The following TIE1 variants were observed in gnomAD, a reference collection of about 807,000 sequenced individuals.
The protein encoded by TIE1 is tyrosine kinase with immunoglobulin like and EGF like domains 1, also known as tyrosine-protein kinase receptor Tie-1.
Under a neutral mutation model 130.5 loss-of-function variants are expected in TIE1, and 89 were observed. The ratio of observed to expected loss-of-function variants is 0.68; its 90% CI spans 0.57 to 0.81. TIE1 has a LOEUF of 0.81. TIE1 is among the 40% of genes least tolerant of loss of function. The probability of loss-of-function intolerance (pLI) is 0.00; values close to 1 mark genes in which losing one functional copy is unlikely to be tolerated. For missense variants in TIE1, 1,392 were observed against 1,559.8 expected (o/e 0.89, Z 1.81); for synonymous variants, 568 against 629.4 (o/e 0.90, Z 1.46).
chr1:43,301,076 T>C lies in TIE1; in HGVS notation c.5T>C (p.Val2Ala). The part of the protein sequence containing the change: M[V>A]WRVPPFLLPI... ...GCCTGGGTCGGCCTCTGGAGTATGGTCTGGCGGGTGCCCCCTTTCTTGCTC... is the reference window on the plus strand; with the variant it reads ...GCCTGGGTCGGCCTCTGGAGTATGGCCTGGCGGGTGCCCCCTTTCTTGCTC... Residue 2 changes from valine to alanine, a missense_variant, in exon 1 of 23, where the codon GTC becomes GCC. Physicochemically the swap from Val to Ala is moderately conservative, Grantham distance 64 (BLOSUM62 0). Around this residue, in one of 6 missense-constraint regions of TIE1, gnomAD observed 415 missense variants for 424.8 expected, o/e 0.98. Transcript: ENST00000372476. The C allele has an allele frequency of 6.2e-7, 1 of 1,613,888 alleles. No individual in the cohort carries two copies. Among genetic ancestry groups the C allele is most frequent in the East Asian group, 2.2e-5 (1 of 44,850 alleles).
chr1:43,312,550 AC>A lies in TIE1; in HGVS notation c.1879del (p.Leu627SerfsTer36). On this transcript the variant is annotated frameshift_variant, in exon 12 of 23. Coordinates refer to ENST00000372476, the MANE Select transcript of TIE1 (RefSeq NM_005424.5). LOFTEE classifies it high-confidence loss of function. This position sits in a 1 kb window ranked among gnomAD's most constrained non-coding sequence, Gnocchi z 5.6. ...GCTGGATGTGCAGCTCTACCACTGC[AC>A]CCTCCTGGGCCCGGCCTCGCCCCCT... ...YQLDVQLYHC[T>X]LLGPASPPAH... is the part of the protein sequence containing the mutation. 1 of 1,613,020 alleles carries A rather than the reference AC, an allele frequency of 6.2e-7. No homozygotes were observed. The highest frequency in any genetic ancestry group is 8.5e-7 in the Non-Finnish European group (1 of 1,179,742).
rs750968223 is a variant in TIE1, at chr1:43,322,627, C to G, written c.3346-24C>G. 6.2e-6 allele frequency: 10 copies of G among 1,611,394 alleles called. No individual in the cohort carries two copies. In the East Asian group the frequency reaches 2.0e-4, roughly 32 times the overall value. On this transcript the variant is annotated intron_variant, in intron 22 of 22. Coordinates refer to ENST00000372476, the MANE Select transcript of TIE1 (RefSeq NM_005424.5). This position sits in a 1 kb window ranked among gnomAD's most constrained non-coding sequence, Gnocchi z 4.0. ...CAGATGCACCCCCATTCCTGGCCCC[C>G]ACTAAAGCTTGCTCTGCCCCCAGGC...
chr1:43,313,703 C>A lies in TIE1; in HGVS notation c.2219-75C>A. On this transcript the variant is annotated intron_variant, in intron 13 of 22. Coordinates refer to ENST00000372476, the MANE Select transcript of TIE1 (RefSeq NM_005424.5). The surrounding 1 kb of genome is among the most constrained non-coding windows in gnomAD (Gnocchi z 6.2). Reference sequence around the variant, plus strand: ...GCACTGGGATCTTTCACCTCTCCCTCTGTGTAACCCCATGGTGGCCTCTGG... The same window carrying A: ...GCACTGGGATCTTTCACCTCTCCCTATGTGTAACCCCATGGTGGCCTCTGG... The A allele has an allele frequency of 1.4e-6, 2 of 1,450,154 alleles. No individual in the cohort carries two copies. The highest frequency in any genetic ancestry group is 1.9e-6 in the Non-Finnish European group (2 of 1,080,530). 89.8% of individuals were successfully genotyped at this position (1,450,154 alleles called of 1,614,324 possible).
Position 43,309,567 on chromosome 1 carries a change from G to T in TIE1, c.1333+35G>T, listed in dbSNP as rs1226304859. 9 of 1,544,910 alleles carry T rather than the reference G, an allele frequency of 5.8e-6. No individual in the cohort carries two copies. The highest frequency in any genetic ancestry group is 7.8e-6 in the Non-Finnish European group (9 of 1,149,574). ...GTCCTAGGTCCACAGGGAATGGACG[G>T]TGAGCAGAGTAGGCTCTAGATGATG... On this transcript the variant is annotated intron_variant, in intron 9 of 22. Transcript: ENST00000372476. The surrounding 1 kb of genome is among the most constrained non-coding windows in gnomAD (Gnocchi z 6.3).
intron 1 of TIE1, among the ~76,000 whole-genome samples, chr1:43,303,348 G>A (rs751846761): frequency 2.0e-5 from 3 of 152,118 alleles, no homozygotes; most frequent in Non-Finnish European, 4.4e-5. Context: ...GCTCAAAGAA[G>A]CCAGTAGAAT....
At position 43,312,845 on chromosome 1, in the gene TIE1, T is replaced by C. The variant is rs1214650573; in HGVS notation, c.1927+244T>C. ...GAGAGCATGGGGAGGTCAGGGTTCA[T>C]GGCGAGAACCAGGGTCATGGGAGGG... On this transcript the variant is annotated intron_variant, in intron 12 of 22. Coordinates refer to ENST00000372476, the MANE Select transcript of TIE1 (RefSeq NM_005424.5). This position sits in a 1 kb window ranked among gnomAD's most constrained non-coding sequence, Gnocchi z 5.6. Among the ~76,000 whole-genome samples, 4 of 151,966 alleles carry C rather than the reference T, an allele frequency of 2.6e-5. No individual in the cohort carries two copies. Among genetic ancestry groups the C allele is most frequent in the African/African-American group, 7.3e-5 (3 of 41,328 alleles).
Position 43,313,208 on chromosome 1 carries a change from G to A in TIE1, c.2001G>A (p.Pro667=), listed in dbSNP as rs767657133. 6.8e-6 allele frequency: 11 copies of A among 1,613,772 alleles called. No homozygotes were observed. Among genetic ancestry groups the A allele is most frequent in the East Asian group, 4.5e-5 (2 of 44,882 alleles). The change falls in exon 13 of 23, where the codon CCG becomes CCA. Residue 667 remains proline (P), a synonymous_variant. Transcript: ENST00000372476. This position sits in a 1 kb window ranked among gnomAD's most constrained non-coding sequence, Gnocchi z 6.2. ...DSEIQLTWKH[P]EALPGPISKY... ...AGATCCAGCTGACATGGAAGCACCC[G>A]GAGGCTCTGCCTGGGCCAATATCCA...
Position 43,312,116 on chromosome 1 carries a change from AC to A in TIE1, c.1617del (p.Thr540GlnfsTer25). 1.3e-6 allele frequency: 2 copies of A among 1,566,352 alleles called. No individual in the cohort carries two copies. Among genetic ancestry groups the A allele is most frequent in the Non-Finnish European group, 1.7e-6 (2 of 1,156,052 alleles). On this transcript the variant is annotated frameshift_variant, in exon 11 of 23. Transcript: ENST00000372476. LOFTEE classifies it high-confidence loss of function. The surrounding 1 kb of genome is among the most constrained non-coding windows in gnomAD (Gnocchi z 5.6). ...GGCCTGGGGGCCTCCCACCCTCATG[AC>A]CACAGACTGTCCTGGTGAGAGGCCA... ...EGAWGPPTLM[T>X]TDCPEPLLQP...
rs1436140064 is a variant in TIE1, at chr1:43,313,908, G to A, written c.2349G>A (p.Leu783=). ...CCATCCTGGCTGCCCTTTTAACCCT[G>A]GTGTGCATCCGCAGAAGCTGCCTGC... ...CLTILAALLT[L]VCIRRSCLHR... is the part of the protein sequence containing the mutation. Residue 783 remains leucine, a synonymous_variant, in exon 14 of 23, where the codon CTG becomes CTA. Transcript: ENST00000372476. The surrounding 1 kb of genome is among the most constrained non-coding windows in gnomAD (Gnocchi z 6.2). 2 of 1,613,994 alleles carry A rather than the reference G, an allele frequency of 1.2e-6. No homozygotes were observed. Among genetic ancestry groups the A allele is most frequent in the African/African-American group, 2.7e-5 (2 of 74,888 alleles).
Position 43,317,516 on chromosome 1 carries a change from T to C in TIE1, c.2621-48T>C. 1 of 1,609,904 alleles carries C rather than the reference T, an allele frequency of 6.2e-7. No homozygotes were observed. Among genetic ancestry groups the C allele is most frequent in the Non-Finnish European group, 8.5e-7 (1 of 1,176,362 alleles). The stretch of plus-strand genomic sequence containing the variant: ...AATTGACCCCAGCCCTTGCCAGCCC[T>C]TTCTCCAGAGTTATTTCTGGCAAAA... On this transcript the variant is annotated intron_variant, in intron 15 of 22. Coordinates refer to ENST00000372476, the MANE Select transcript of TIE1 (RefSeq NM_005424.5). This position sits in a 1 kb window ranked among gnomAD's most constrained non-coding sequence, Gnocchi z 5.1.
At position 43,306,753 on chromosome 1, in the gene TIE1, T is replaced by C. The variant is rs1646731980; in HGVS notation, c.485-87T>C. ...GTCTCATCACTGTGCATGGGGCTCATTGATGTGAGCTGAGCAGAGGTGGAC... is the reference window on the plus strand; with the variant it reads ...GTCTCATCACTGTGCATGGGGCTCACTGATGTGAGCTGAGCAGAGGTGGAC... On this transcript the variant is annotated intron_variant, in intron 3 of 22. Coordinates refer to ENST00000372476, the MANE Select transcript of TIE1 (RefSeq NM_005424.5). The surrounding 1 kb of genome is among the most constrained non-coding windows in gnomAD (Gnocchi z 4.9). 2.7e-6 allele frequency: 4 copies of C among 1,458,200 alleles called. No homozygotes were observed. The highest frequency in any genetic ancestry group is 2.7e-5 in the South Asian group (2 of 74,518). The allele number at this position is 1,458,200 out of a possible 1,614,324, so 90.3% of individuals were successfully genotyped here.
rs1646762636 is a variant in TIE1 at position 43,309,114 on chromosome 1, G to C, written c.1171G>C (p.Asp391His). The C allele has an allele frequency of 6.2e-7, 1 of 1,603,030 alleles. No individual in the cohort carries two copies. The highest frequency in any genetic ancestry group is 1.3e-5 in the African/African-American group (1 of 74,842). ...GGGCAGCATAGAGCTACGCAAGCCA[G>C]ACGGCACTGTGCTCCTGGTCAGCCC... ...VRGSIELRKPDGTVLLSTKAI... is the reference protein window; with the variant it reads ...VRGSIELRKPHGTVLLSTKAI... The change falls in exon 8 of 23, where the codon GAC (aspartate) becomes CAC (histidine). Residue 391 changes from aspartate (D) to histidine (H), a missense_variant. Asp to His is a moderately conservative substitution (Grantham distance 81, BLOSUM62 -1). Coordinates refer to ENST00000372476, the MANE Select transcript of TIE1 (RefSeq NM_005424.5). This position sits in a 1 kb window ranked among gnomAD's most constrained non-coding sequence, Gnocchi z 6.3.
rs980916000 is a variant in TIE1 at position 43,318,393 on chromosome 1, G to A, written c.2922+321G>A. On this transcript the variant is annotated intron_variant, in intron 17 of 22. Transcript: ENST00000372476. The surrounding 1 kb of genome is among the most constrained non-coding windows in gnomAD (Gnocchi z 4.4). Reference sequence around the variant, plus strand: ...TGCCTAATGGCAATGGGCCTGGTGCGATCTGCCGGAGAGGGGGAAGGGCAG... The same window carrying A: ...TGCCTAATGGCAATGGGCCTGGTGCAATCTGCCGGAGAGGGGGAAGGGCAG... Among the ~76,000 whole-genome samples the A allele has an allele frequency of 2.0e-5, 3 of 152,100 alleles. No homozygotes were observed. The highest frequency in any genetic ancestry group is 4.4e-5 in the Non-Finnish European group (3 of 68,022).
rs12022684 is a variant in TIE1 at position 43,304,847 on chromosome 1, C to G, written c.59-4C>G. The G allele has an allele frequency of 0.014, 20,411 of 1,417,072 alleles. 846 individuals carry two copies. In the East Asian group the frequency reaches 0.18, roughly 13 times the overall value. 87.8% of individuals were successfully genotyped at this position (1,417,072 alleles called of 1,614,324 possible). A position where few individuals can be genotyped will look rare whatever the true frequency, so the allele number is the denominator to read the frequency against. ...CAATAGAGTCACTGGTGTCCTGGCC[C>G]CAGGCGCGGCGGTGGACCTGACGCT... On this transcript the variant is annotated splice_polypyrimidine_tract_variant and splice_region_variant and intron_variant, in intron 1 of 22. Transcript: ENST00000372476.
In TIE1 at chr1:43,306,102, G is replaced by A. The variant is rs1646725750; in HGVS notation, c.485-738G>A. Among the ~76,000 whole-genome samples the A allele has an allele frequency of 6.6e-6, 1 of 152,204 alleles. No individual in the cohort carries two copies. The highest frequency in any genetic ancestry group is 1.5e-5 in the Non-Finnish European group (1 of 68,034). On this transcript the variant is annotated intron_variant, in intron 3 of 22. Transcript: ENST00000372476. The surrounding 1 kb of genome is among the most constrained non-coding windows in gnomAD (Gnocchi z 4.9). ...AGCAAAGAGGCAAGAAGCGGGTGGG[G>A]CAGCGACTGGAGCACTCTTCTAAGA...
rs1349553909 is a variant in TIE1 at position 43,322,579 on chromosome 1, A to G, written c.3346-72A>G. The G allele has an allele frequency of 1.8e-5, 21 of 1,189,424 alleles. No individual in the cohort carries two copies. In the Admixed American group the frequency reaches 3.4e-4, roughly 19 times the overall value. 73.7% of individuals were successfully genotyped at this position (1,189,424 alleles called of 1,614,324 possible). ...GTGTCAGTTCAAATGCCCCCACCAC[A>G]TGGAAGTCCAGGAGCTTGAGGCCAG... is the stretch of plus-strand genomic sequence containing the variant. On this transcript the variant is annotated intron_variant, in intron 22 of 22. Transcript: ENST00000372476. The surrounding 1 kb of genome is among the most constrained non-coding windows in gnomAD (Gnocchi z 4.0).
Position 43,322,744 on chromosome 1 carries a change from G to A in TIE1, c.*22G>A, listed in dbSNP as rs1570457251. 2.5e-6 allele frequency: 4 copies of A among 1,611,704 alleles called. 1 individual carries two copies. The Admixed American group carries it at 6.7e-5, about 27-fold the overall frequency. On this transcript the variant is annotated 3_prime_UTR_variant, in exon 23 of 23. Coordinates refer to ENST00000372476, the MANE Select transcript of TIE1 (RefSeq NM_005424.5). This position sits in a 1 kb window ranked among gnomAD's most constrained non-coding sequence, Gnocchi z 4.0. ...CTGAGCTGCCATCCAGCCAGAACGT[G>A]GCTCTGCTGGCCGGAGCAAACTCTG... is the stretch of plus-strand genomic sequence containing the variant.
At position 43,304,958 on chromosome 1, in the gene TIE1, G is replaced by T. The variant is rs1646709836; in HGVS notation, c.166G>T (p.Ala56Ser). The change falls in exon 2 of 23, where the codon GCC (alanine) becomes TCC (serine). Residue 56 changes from alanine (A) to serine (S), a missense_variant. Around this residue, in one of 6 missense-constraint regions of TIE1, gnomAD observed 415 missense variants for 424.8 expected, o/e 0.98. Coordinates refer to ENST00000372476, the MANE Select transcript of TIE1 (RefSeq NM_005424.5). ...GGCCGGGGCGGGGAGGGGCTCGGAC[G>T]CCTGGGGCCCGCCCCTGCTGCTGGA... Reference protein sequence around the residue: ...GEAGAGRGSDAWGPPLLLEKD... With the variant: ...GEAGAGRGSDSWGPPLLLEKD... 5.5e-6 allele frequency: 8 copies of T among 1,453,530 alleles called. No individual in the cohort carries two copies. The highest frequency in any genetic ancestry group is 7.2e-6 in the Non-Finnish European group (8 of 1,106,426). The allele number at this position is 1,453,530 out of a possible 1,614,324, so 90.0% of individuals were successfully genotyped here.
intron 3 of TIE1, 40 bp downstream of exon 3, chr1:43,305,383 A>C (rs373598765): frequency 6.8e-7 from 1 of 1,477,842 alleles, no homozygotes; most frequent in African/African-American, 1.4e-5. Context: ...GGGTAGACCC[A>C]TCGTTCTGAG....
Sources: gnomAD v4.1 joint callset for allele counts (sites outside exome capture counted in the v4.1 genomes callset) on GRCh38, gnomAD v4.1.1 for gene constraint, gnomAD v4.1.1 regional missense constraint, Gnocchi (gnomAD v3.1) non-coding constraint, MANE v1.5 for transcripts, NCBI Gene and HGNC (gene_info 2026-07-23, HGNC 2026-07-21) for gene names.